The following CTNND2 variants were observed in gnomAD, a reference collection of about 807,000 sequenced individuals.
The protein encoded by CTNND2 is catenin delta 2.
Under a neutral mutation model 144.4 loss-of-function variants are expected in CTNND2, and 22 were observed. That is an observed-to-expected ratio of 0.15 (90% CI 0.11 to 0.22). The LOEUF (loss-of-function observed/expected upper bound fraction) is 0.22. Among genes scored for constraint, CTNND2 ranks in the 10% least tolerant of loss-of-function variants. The pLI, the probability that CTNND2 is intolerant of heterozygous loss-of-function variation, is 1.00. For synonymous variants in CTNND2, 751 were observed against 695.6 expected, an observed-to-expected ratio of 1.08 and a Z score of -1.25; for missense variants, 1,353 against 1,618.8, an observed-to-expected ratio of 0.84 and a Z score of 2.82.
At chr5:11,718,663 C>T (rs1045841684) in intron 2 of CTNND2, among the ~76,000 whole-genome samples, 1 of 151,994 alleles carries the variant, frequency 6.6e-6, no homozygotes, top group Admixed American at 6.6e-5. Flanking sequence ...AAATCTACAT[C>T]TTCTCCCAGA....
rs1016595717 is a variant in CTNND2, at chr5:11,774,227, C to T, written c.38-41955G>A. Among the ~76,000 whole-genome samples, 8 of 151,996 alleles carry T rather than the reference C, an allele frequency of 5.3e-5. No homozygotes were observed. The East Asian group carries it at 1.4e-3, about 26-fold the overall frequency. ...GACAGAGAATAAAACAATGTTCTTGCGATAGTTTACTGAGAATGATGATTT... is the reference window on the plus strand; with the variant it reads ...GACAGAGAATAAAACAATGTTCTTGTGATAGTTTACTGAGAATGATGATTT... On this transcript the variant is annotated intron_variant, in intron 1 of 21. Coordinates refer to ENST00000304623, the MANE Select transcript of CTNND2 (RefSeq NM_001332.4).
intron 1 of CTNND2, among the ~76,000 whole-genome samples, chr5:11,876,287 G>T (rs1182104224): frequency 6.6e-6 from 1 of 151,232 alleles, no homozygotes; most frequent in Non-Finnish European, 1.5e-5. Flanking sequence ...GGAGAGGGGA[G>T]AGTGGAAAGG....
At chr5:11,079,292 G>A (rs1294764471) in intron 16 of CTNND2, among the ~76,000 whole-genome samples, 1 of 122,494 alleles carries the variant, frequency 8.2e-6, no homozygotes, top group Non-Finnish European at 1.6e-5. Context: ...GGTTGGTCCA[G>A]CTCCCTTCTG....
intron 11 of CTNND2, among the ~76,000 whole-genome samples, chr5:11,161,327 C>T (rs1482722610): frequency 1.3e-5 from 2 of 152,170 alleles, no homozygotes; most frequent in Non-Finnish European, 2.9e-5. Flanking sequence ...ATTTTATATA[C>T]ACTTTCATTT....
chr5:11,809,964 A>T (rs913804391), intron 1 of CTNND2, among the ~76,000 whole-genome samples: 1 of 152,214 alleles, frequency 6.6e-6, no homozygotes, highest in Non-Finnish European at 1.5e-5. Flanking sequence ...GGCTAAACAT[A>T]TCAAAGAAAC....
chr5:11,029,328 T>C (rs1743203215), intron 16 of CTNND2, among the ~76,000 whole-genome samples: 1 of 152,204 alleles, frequency 6.6e-6, no homozygotes, highest in Non-Finnish European at 1.5e-5. Flanking sequence ...GTTTTTCTGT[T>C]TTCTATATGC....
At chr5:11,545,963 C>T (rs1775201777) in intron 3 of CTNND2, among the ~76,000 whole-genome samples, 1 of 152,114 alleles carries the variant, frequency 6.6e-6, no homozygotes, top group African/African-American at 2.4e-5. Flanking sequence ...TTTATCCATA[C>T]AATGGTATAT....
chr5:11,611,796 G>T (rs1561619143), intron 2 of CTNND2, among the ~76,000 whole-genome samples: 1 of 152,018 alleles, frequency 6.6e-6, no homozygotes, highest in Non-Finnish European at 1.5e-5. Flanking sequence ...AAAAATAAAA[G>T]TTTTTTCTTG....
At chr5:11,635,419 T>C (rs889167814) in intron 2 of CTNND2, among the ~76,000 whole-genome samples, 1 of 152,070 alleles carries the variant, frequency 6.6e-6, no homozygotes, top group African/African-American at 2.4e-5. Flanking sequence ...CGGAGCTCCT[T>C]AGGAGCAAGG....
intron 10 of CTNND2, among the ~76,000 whole-genome samples, chr5:11,232,676 G>A (rs1194840082): frequency 6.6e-6 from 1 of 152,196 alleles, no homozygotes; most frequent in Admixed American, 6.5e-5. Flanking sequence ...TGTCTCAGAT[G>A]AGACTTTGGA....
At chr5:11,475,010 T>C (rs1767585905) in intron 3 of CTNND2, among the ~76,000 whole-genome samples, 1 of 152,202 alleles carries the variant, frequency 6.6e-6, no homozygotes, top group Non-Finnish European at 1.5e-5. Flanking sequence ...GTGCTGCCTC[T>C]GCAGAGATAA....
Position 11,904,193 on chromosome 5 carries a change from C to G in CTNND2, c.-340G>C, listed in dbSNP as rs921857154. ...CCGGGCTGAGAGAGCAGCCGCCGCG[C>G]CCGCAGCTCCGCTCAGCCGGCTGTC... On this transcript the variant is annotated 5_prime_UTR_variant, in exon 1 of 22. Transcript: ENST00000304623. The surrounding 1 kb of genome is among the most constrained non-coding windows in gnomAD (Gnocchi z 4.2). 1 of 145,594 alleles carries G rather than the reference C, an allele frequency of 6.9e-6. No individual in the cohort carries two copies. The highest frequency in any genetic ancestry group is 2.5e-5 in the African/African-American group (1 of 40,664). The allele number at this position is 145,594 out of a possible 1,614,324, so 9.0% of individuals were successfully genotyped here. A position where few individuals can be genotyped will look rare whatever the true frequency, so the allele number is the denominator to read the frequency against.
At chr5:11,481,522 G>C (rs114784907) in intron 3 of CTNND2, among the ~76,000 whole-genome samples, 2,509 of 152,270 alleles carry the variant, frequency 0.016, 67 homozygotes, top group African/African-American at 0.058. Context: ...AGGATCACTT[G>C]AGCCCAGAAG....
chr5:11,820,715 G>A (rs1437668522), intron 1 of CTNND2, among the ~76,000 whole-genome samples: 1 of 152,184 alleles, frequency 6.6e-6, no homozygotes, highest in African/African-American at 2.4e-5. Context: ...GAGGTCTCCT[G>A]TTAATGGGGA....
chr5:11,156,085 T>C (rs1258535498), intron 12 of CTNND2, among the ~76,000 whole-genome samples: 2 of 152,198 alleles, frequency 1.3e-5, no homozygotes, highest in Admixed American at 6.5e-5. Context: ...CAATATCCAC[T>C]GCCTAGAGGA....
chr5:11,361,006 C>T (rs78345150), intron 8 of CTNND2, among the ~76,000 whole-genome samples: 2,269 of 152,212 alleles, frequency 0.015, 56 homozygotes, highest in African/African-American at 0.052. Context: ...AGACTGCCTA[C>T]GTATGAAAGT....
intron 9 of CTNND2, among the ~76,000 whole-genome samples, chr5:11,342,243 T>C (rs1321418984): frequency 6.6e-6 from 1 of 152,184 alleles, no homozygotes; most frequent in African/African-American, 2.4e-5. Flanking sequence ...AACAATAAGA[T>C]AAATGTTGTT....
Position 11,384,974 on chromosome 5 carries a change from C to T in CTNND2, c.868G>A (p.Ala290Thr). 4 of 1,542,874 alleles carry T rather than the reference C, an allele frequency of 2.6e-6. No individual in the cohort carries two copies. The highest frequency in any genetic ancestry group is 4.9e-5 in the East Asian group (2 of 41,156). Residue 290 changes from alanine (A) to threonine (T), a missense_variant, in exon 7 of 22, where the codon GCC (alanine) becomes ACC (threonine). Ala to Thr is a moderately conservative substitution (Grantham distance 58). Around this residue, in one of 4 missense-constraint regions of CTNND2, gnomAD observed 708 missense variants for 706.4 expected, o/e 1.00. Coordinates refer to ENST00000304623, the MANE Select transcript of CTNND2 (RefSeq NM_001332.4). The surrounding 1 kb of genome is among the most constrained non-coding windows in gnomAD (Gnocchi z 5.2). ...GAGCCGCGCGGCGCGGCGTAGGTGG[C>T]GCCCTCGGGGGCCGAGCCGCCGCGC... ...LQRGGSAPEG[A>T]TYAAPRGSSP...
At chr5:11,420,740 T>C (rs940522522) in intron 3 of CTNND2, among the ~76,000 whole-genome samples, 2 of 152,210 alleles carry the variant, frequency 1.3e-5, no homozygotes, top group Non-Finnish European at 2.9e-5. Context: ...CAAATGAATG[T>C]CCTAATATCT....
Sources: allele counts gnomAD v4.1 joint callset (sites outside exome capture counted in the v4.1 genomes callset), GRCh38; gene constraint gnomAD v4.1.1; regional missense constraint gnomAD v4.1.1; non-coding constraint Gnocchi (gnomAD v3.1); transcripts MANE v1.5; gene names NCBI Gene and HGNC (gene_info 2026-07-23, HGNC 2026-07-21).